Variants in CACNA1F observed in about 807,000 individuals in gnomAD.
CACNA1F encodes voltage-dependent L-type calcium channel subunit alpha-1F.
CACNA1F carries 59 observed loss-of-function variants against 143.8 expected under a neutral mutation model. The observed-to-expected ratio is 0.41, with a 90% CI of 0.33 to 0.51. The LOEUF is 0.51. Among genes scored for constraint, CACNA1F ranks in the 20% least tolerant of loss-of-function variants. The pLI is 0.22. For missense variants in CACNA1F, 1,411 were observed against 1,647.5 expected (o/e 0.86, Z 2.48); for synonymous variants, 643 against 649.1 (o/e 0.99, Z 0.14).
At chrX:49,215,664 G>T (rs2065708042) in intron 27 of CACNA1F, 121 bp from the exon 28 acceptor site, 1 of 479,962 alleles carries the variant, frequency 2.1e-6, no homozygotes, top group Admixed American at 3.7e-5. Flanking sequence ...GCACCCCAAA[G>T]ACCCCTAAAT....
intron 3 of CACNA1F, 68 bp downstream of exon 3, chrX:49,231,134 G>T (rs2065874689): frequency 1.2e-6 from 1 of 864,402 alleles, no homozygotes; most frequent in Non-Finnish European, 1.7e-6. Flanking sequence ...GCGGGGTCTG[G>T]CTGGAAGGAG....
intron 9 of CACNA1F, 71 bp from the exon 10 acceptor site, chrX:49,226,773 G>A: frequency 2.0e-6 from 2 of 1,007,113 alleles, no homozygotes; most frequent in East Asian, 3.3e-5. Flanking sequence ...TAGGGTAGGG[G>A]TGTCATTTGG....
In CACNA1F at chrX:49,218,469, C is replaced by T. The variant is rs1464587565; in HGVS notation, c.2914G>A (p.Ala972Thr). 1 of 1,180,431 alleles carries T rather than the reference C, an allele frequency of 8.5e-7. No homozygotes were observed. The highest frequency in any genetic ancestry group is 1.8e-5 in the African/African-American group (1 of 56,795). Reference protein sequence around the residue: ...VLRPLRAINRAKGLKHVVQCV... With the variant: ...VLRPLRAINRTKGLKHVVQCV... ...GGTGGGGTTACCTTGAGTCCCTTGG[C>T]CCTGTTGATGGCTCGGAGGGGCCGC... The change falls in exon 24 of 48, where the codon GCC becomes ACC. Residue 972 changes from alanine (A) to threonine (T), a missense_variant. Around this residue, in one of 3 missense-constraint regions of CACNA1F, gnomAD observed 950 missense variants for 1,128.1 expected, o/e 0.84. Transcript: ENST00000323022.
At position 49,216,504 on chromosome X, in the gene CACNA1F, A is replaced by G. The variant is rs1211996037; in HGVS notation, c.3114T>C (p.Asp1038=). 1.0e-5 allele frequency: 12 copies of G among 1,203,066 alleles called. No homozygotes were observed. The African/African-American group carries it at 2.1e-4, about 21-fold the overall frequency. The change falls in exon 27 of 48, where the codon GAT becomes GAC. Residue 1038 remains aspartate (D), a synonymous_variant. Transcript: ENST00000323022. ...GGACCAGGGGCCGTGACACGTCTCCATCTGGGTATACCAGGAAGGAGCCCC... is the reference window on the plus strand; with the variant it reads ...GGACCAGGGGCCGTGACACGTCTCCGTCTGGGTATACCAGGAAGGAGCCCC... The part of the protein sequence containing the change: ...ECKGSFLVYP[D]GDVSRPLVRE...
Position 49,218,440 on chromosome X carries a change from G to T in CACNA1F, c.2928+15C>A. 1 of 1,159,205 alleles carries T rather than the reference G, an allele frequency of 8.6e-7. No individual in the cohort carries two copies. The highest frequency in any genetic ancestry group is 1.2e-6 in the Non-Finnish European group (1 of 864,174). The stretch of plus-strand genomic sequence containing the variant: ...CAGGGCCTGGGTCCTGTGGGTTTGG[G>T]TGGGGTGGGGTTACCTTGAGTCCCT... On this transcript the variant is annotated intron_variant, in intron 24 of 47. Transcript: ENST00000323022.
chrX:49,211,849 G>A (rs2065660109), intron 35 of CACNA1F, 49 bp downstream of exon 35: 3 of 1,032,470 alleles, frequency 2.9e-6, no homozygotes, highest in African/African-American at 3.7e-5. Flanking sequence ...CAGAGAGGGT[G>A]GGTGGGCACC....
At chrX:49,231,425 C>T (rs2065877698) in intron 2 of CACNA1F, 118 bp from the exon 3 acceptor site, 5 of 632,390 alleles carry the variant, frequency 7.9e-6, no homozygotes, top group South Asian at 7.2e-5. Context: ...CTGGCATTCT[C>T]GACCCCTGCC....
rs781820373 is a variant in CACNA1F at position 49,210,460 on chromosome X, G to A, written c.4486-57C>T. The A allele has an allele frequency of 2.2e-4, 229 of 1,037,626 alleles. 2 individuals are homozygous for A. In the South Asian group the frequency reaches 2.2e-3, roughly 10 times the overall value. 85.5% of individuals were successfully genotyped at this position (1,037,626 alleles called of 1,213,427 possible). ...GGGAAAATGCCGGGTATGCAGGAAC[G>A]AATGTCAAGGGGCAGAAACCTCTGA... On this transcript the variant is annotated intron_variant, in intron 38 of 47. Coordinates refer to ENST00000323022, the MANE Select transcript of CACNA1F (RefSeq NM_001256789.3).
intron 43 of CACNA1F, among the ~76,000 whole-genome samples, chrX:49,207,350 A>G (rs1284603366): frequency 2.7e-5 from 3 of 112,372 alleles, no homozygotes; most frequent in African/African-American, 9.7e-5. Context: ...GTTGACCTGT[A>G]GAGAGACACC....
chrX:49,222,589 C>T lies in CACNA1F; in HGVS notation c.2221G>A (p.Val741Met). The T allele has an allele frequency of 2.5e-6, 3 of 1,210,741 alleles. No homozygotes were observed. The highest frequency in any genetic ancestry group is 3.4e-6 in the Non-Finnish European group (3 of 894,913). Residue 741 changes from valine to methionine, a missense_variant, in exon 17 of 48, where the codon GTG becomes ATG. Physicochemically the swap from Val to Met is conservative, Grantham distance 21. This residue lies in a region of CACNA1F where 950 missense variants were observed against 1,128.1 expected (regional missense o/e 0.84). Coordinates refer to ENST00000323022, the MANE Select transcript of CACNA1F (RefSeq NM_001256789.3). ...TTGTCCACAGCAATGGCAAGAAACA[C>T]GTTCAACAGGATGTCTGGGATGAGC... ...FICGNYILLN[V>M]FLAIAVDNLA...
At chrX:49,206,959 T>G in intron 44 of CACNA1F, 46 bp downstream of exon 44, 1 of 618,151 alleles carries the variant, frequency 1.6e-6, no homozygotes, top group Non-Finnish European at 2.5e-6. Flanking sequence ...CCACCCCTCC[T>G]CCACCCCAGC....
At chrX:49,216,233 C>G in intron 27 of CACNA1F, 149 bp downstream of exon 27, 4 of 600,230 alleles carry the variant, frequency 6.7e-6, no homozygotes, top group Non-Finnish European at 1.1e-5. Flanking sequence ...CTCTGATACA[C>G]CCACCACTCT....
At chrX:49,227,221 A>G in intron 8 of CACNA1F, 94 bp from the exon 9 acceptor site, 1 of 713,371 alleles carries the variant, frequency 1.4e-6, no homozygotes, top group Admixed American at 2.6e-5. Flanking sequence ...CTACTCTTTG[A>G]ATATGCCAAG....
chrX:49,206,570 C>T lies in CACNA1F; in HGVS notation c.5413G>A (p.Asp1805Asn). Residue 1805 changes from aspartate to asparagine, a missense_variant, in exon 46 of 48, where the codon GAT becomes AAT. This residue lies in a region of CACNA1F where 349 missense variants were observed against 350.2 expected (regional missense o/e 1.00). Coordinates refer to ENST00000323022, the MANE Select transcript of CACNA1F (RefSeq NM_001256789.3). ...QCLQRQGSCE[D>N]LPIPGTYHRG... ...TGATAGGTGCCTGGGATGGGTAAAT[C>T]CTCACAACTGCCCTGGCGCTGCAGA... The T allele has an allele frequency of 8.3e-7, 1 of 1,211,039 alleles. No individual in the cohort carries two copies. The highest frequency in any genetic ancestry group is 1.1e-6 in the Non-Finnish European group (1 of 895,175).
intron 21 of CACNA1F, 34 bp downstream of exon 21, chrX:49,219,287 C>T (rs1557108232): frequency 8.4e-7 from 1 of 1,197,109 alleles, no homozygotes; most frequent in Non-Finnish European, 1.1e-6. Flanking sequence ...CTGGGAGTGT[C>T]CCCTCAGCTC....
chrX:49,205,286 A>G lies in CACNA1F; in HGVS notation c.5752T>C (p.Cys1918Arg), dbSNP rs782653421. 8.3e-6 allele frequency: 10 copies of G among 1,207,545 alleles called. No individual in the cohort carries two copies. Among genetic ancestry groups the G allele is most frequent in the Non-Finnish European group, 2.2e-6 (2 of 894,125 alleles). Reference sequence around the variant, plus strand: ...TCCATCTCATCCAGCGTCAGGCGACACGCATCTGCAATCTCCTGCTTGGCC... The same window carrying G: ...TCCATCTCATCCAGCGTCAGGCGACGCGCATCTGCAATCTCCTGCTTGGCC... The part of the protein sequence containing the change: ...ALAKQEIADA[C>R]RLTLDEMDNA... The change falls in exon 48 of 48, where the codon TGT becomes CGT. Residue 1918 changes from cysteine (C) to arginine (R), a missense_variant. Around this residue, in one of 3 missense-constraint regions of CACNA1F, gnomAD observed 349 missense variants for 350.2 expected, o/e 1.00. Coordinates refer to ENST00000323022, the MANE Select transcript of CACNA1F (RefSeq NM_001256789.3).
At chrX:49,216,237 C>G (rs781816930) in intron 27 of CACNA1F, 145 bp downstream of exon 27, 20 of 612,114 alleles carry the variant, frequency 3.3e-5, no homozygotes, top group Non-Finnish European at 4.5e-5. Context: ...GATACACCCA[C>G]CACTCTCCAG....
intron 42 of CACNA1F, 157 bp from the exon 43 acceptor site, chrX:49,208,841 A>G (rs1408325345): frequency 3.9e-6 from 2 of 507,290 alleles, no homozygotes; most frequent in Non-Finnish European, 3.4e-6. Flanking sequence ...ATAAATAAAT[A>G]TTTGCGATAG....
chrX:49,229,296 A>G (rs981398882), intron 6 of CACNA1F, among the ~76,000 whole-genome samples: 4 of 110,516 alleles, frequency 3.6e-5, no homozygotes, highest in African/African-American at 1.3e-4. Context: ...AGCTGGGATT[A>G]CAGACATGCA....
Sources: gnomAD v4.1 joint callset for allele counts (sites outside exome capture counted in the v4.1 genomes callset) on GRCh38, gnomAD v4.1.1 for gene constraint, gnomAD v4.1.1 regional missense constraint, MANE v1.5 for transcripts, NCBI Gene and HGNC (gene_info 2026-07-23, HGNC 2026-07-21) for gene names.